MEGF11: variants seen among roughly 807,000 people sequenced by gnomAD.
The protein encoded by MEGF11 is multiple epidermal growth factor-like domains protein 11.
Under a neutral mutation model 146.6 loss-of-function variants are expected in MEGF11, and 126 were observed. The ratio of observed to expected loss-of-function variants is 0.86; its 90% CI spans 0.74 to 1.00. The LOEUF (loss-of-function observed/expected upper bound fraction) is 1.00. Ranked by LOEUF, MEGF11 falls within the 50% of genes least tolerant of loss-of-function variation. The pLI is 0.00. For missense variants in MEGF11, 1,509 were observed against 1,521.2 expected, an observed-to-expected ratio of 0.99 and a Z score of 0.13; for synonymous variants, 532 against 583.4, an observed-to-expected ratio of 0.91 and a Z score of 1.27.
At chr15:65,974,377 G>A (rs1044166100) in intron 7 of MEGF11, among the ~76,000 whole-genome samples, 5 of 152,166 alleles carry the variant, frequency 3.3e-5, no homozygotes, top group African/African-American at 9.7e-5. Context: ...AGTCACTCAG[G>A]CCAGGTGCGG....
chr15:66,206,768 T>C (rs1231978401), intron 1 of MEGF11, among the ~76,000 whole-genome samples: 1 of 151,978 alleles, frequency 6.6e-6, no homozygotes, highest in Non-Finnish European at 1.5e-5. Flanking sequence ...CCAGGCATGG[T>C]AGCGCACGCC....
At chr15:66,051,260 C>T (rs1419206170) in intron 5 of MEGF11, among the ~76,000 whole-genome samples, 3 of 152,120 alleles carry the variant, frequency 2.0e-5, no homozygotes, top group African/African-American at 7.2e-5. Context: ...GGAGTCAAGA[C>T]TGGGAGATGA....
At chr15:65,910,082 A>G (rs2078751928) in intron 21 of MEGF11, 1 of 599,102 alleles carries the variant, frequency 1.7e-6, no homozygotes, top group Non-Finnish European at 3.1e-6. Flanking sequence ...TGGCCCTGAC[A>G]GAGGAAGCAG....
At chr15:66,149,358 C>T (rs1414810299) in intron 1 of MEGF11, among the ~76,000 whole-genome samples, 1 of 152,224 alleles carries the variant, frequency 6.6e-6, no homozygotes, top group Admixed American at 6.5e-5. Flanking sequence ...TCTCTCCAAC[C>T]CTTGGTTTCC....
intron 10 of MEGF11, among the ~76,000 whole-genome samples, chr15:65,942,234 TGCAACGTGCCAG>T (rs1231148769): frequency 6.6e-6 from 1 of 152,190 alleles, no homozygotes; most frequent in Non-Finnish European, 1.5e-5. Context: ...CCTGAGCCCA[TGCAACGTGCCAG>T]GCTTGCTACC....
chr15:66,206,036 T>C lies in MEGF11; in HGVS notation c.-9+47569A>G, dbSNP rs1597151394. ...AAGCAACCATTACAAAAATGTTTCT[T>C]TGAGCACTTATGAACATGCTTGAAA... On this transcript the variant is annotated intron_variant, in intron 1 of 25. Transcript: ENST00000395614. Among the ~76,000 whole-genome samples, 3 of 152,330 alleles carry C rather than the reference T, an allele frequency of 2.0e-5. No homozygotes were observed. The South Asian group carries it at 6.2e-4, about 32-fold the overall frequency.
intron 5 of MEGF11, among the ~76,000 whole-genome samples, chr15:66,025,794 AC>A (rs1417538264): frequency 2.6e-5 from 4 of 151,932 alleles, no homozygotes; most frequent in African/African-American, 9.7e-5. Context: ...TCTAATCCAG[AC>A]CCCAGGACCT....
chr15:66,189,530 C>A (rs1029278357), intron 1 of MEGF11, among the ~76,000 whole-genome samples: 2 of 152,174 alleles, frequency 1.3e-5, no homozygotes, highest in Admixed American at 6.5e-5. Context: ...AGCCCTGCAA[C>A]CCTGGGGCCT....
chr15:66,142,948 A>G (rs183809433), intron 1 of MEGF11, among the ~76,000 whole-genome samples: 95 of 152,284 alleles, frequency 6.2e-4, no homozygotes, highest in African/African-American at 2.1e-3. Flanking sequence ...TAGCTTCCCC[A>G]TTTGTAAAAG....
intron 1 of MEGF11, among the ~76,000 whole-genome samples, chr15:66,157,885 A>T (rs971080838): frequency 1.4e-4 from 21 of 152,152 alleles, no homozygotes; most frequent in African/African-American, 4.8e-4. Flanking sequence ...TATTTTTTTT[A>T]ATTTTAAATG....
At chr15:66,039,762 CGGCGGTGGGGTG>C in intron 5 of MEGF11, among the ~76,000 whole-genome samples, 1 of 149,948 alleles carries the variant, frequency 6.7e-6, no homozygotes, top group Non-Finnish European at 1.5e-5. Context: ...CCGGGTCAGG[CGGCGGTGGGGTG>C]ACGGTCCTGA....
intron 10 of MEGF11, among the ~76,000 whole-genome samples, chr15:65,939,961 C>T (rs1235341715): frequency 6.6e-6 from 1 of 152,196 alleles, no homozygotes; most frequent in Non-Finnish European, 1.5e-5. Flanking sequence ...GTGTTCAGTA[C>T]ACATGGGTTG....
chr15:66,150,405 C>T (rs1025523217), intron 1 of MEGF11, among the ~76,000 whole-genome samples: 9 of 151,986 alleles, frequency 5.9e-5, no homozygotes, highest in South Asian at 2.1e-4. Context: ...TATTAATTAC[C>T]GGAGAAAGGG....
chr15:65,943,643 C>G (rs2080085355), intron 10 of MEGF11, among the ~76,000 whole-genome samples: 1 of 151,974 alleles, frequency 6.6e-6, no homozygotes. Flanking sequence ...AGAGGGTCAC[C>G]CCCTACGTGA....
chr15:65,932,448 A>G (rs1439539334), intron 10 of MEGF11, among the ~76,000 whole-genome samples: 5 of 148,792 alleles, frequency 3.4e-5, no homozygotes, highest in South Asian at 4.3e-4. Flanking sequence ...CCACTAAACA[A>G]TTTGGACGAG....
At position 65,980,917 on chromosome 15, in the gene MEGF11, G is replaced by GTGTT. The variant is rs2081615607; in HGVS notation, c.642-23_642-20dup. On this transcript the variant is annotated intron_variant, in intron 6 of 25. Coordinates refer to ENST00000395614, the MANE Select transcript of MEGF11 (RefSeq NM_001385028.1). ...CTCGCAGCTGCATGGAGAAGCAGAGGTGTTAGACACAGCAGCATTCAGATC... is the reference window on the plus strand; with the variant it reads ...CTCGCAGCTGCATGGAGAAGCAGAGGTGTTTGTTAGACACAGCAGCATTCAGATC... The GTGTT allele has an allele frequency of 1.3e-6, 2 of 1,555,746 alleles. No homozygotes were observed. Among genetic ancestry groups the GTGTT allele is most frequent in the African/African-American group, 2.7e-5 (2 of 73,332 alleles).
chr15:66,014,376 T>C (rs2140130701), intron 5 of MEGF11, among the ~76,000 whole-genome samples: 1 of 152,356 alleles, frequency 6.6e-6, no homozygotes, highest in South Asian at 2.1e-4. Context: ...CGATCCAGTA[T>C]ACAGGAGAAT....
intron 5 of MEGF11, among the ~76,000 whole-genome samples, chr15:66,052,020 T>C (rs2552182): frequency 0.82 from 124,434 of 152,208 alleles, 54,057 homozygotes; most frequent in Non-Finnish European, 0.96. Flanking sequence ...GGCACAAAAA[T>C]AGATTTGGAG....
intron 5 of MEGF11, among the ~76,000 whole-genome samples, chr15:66,075,774 G>C (rs2085550190): frequency 6.6e-6 from 1 of 152,168 alleles, no homozygotes. Flanking sequence ...AAGCCACCTT[G>C]GGAAGGAGCC....
Sources: gnomAD v4.1 joint callset for allele counts (sites outside exome capture counted in the v4.1 genomes callset) on GRCh38, gnomAD v4.1.1 for gene constraint, MANE v1.5 for transcripts, NCBI Gene and HGNC (gene_info 2026-07-23, HGNC 2026-07-21) for gene names.